BRINP2: variants seen among roughly 807,000 people sequenced by gnomAD.
BRINP2 encodes BMP/retinoic acid-inducible neural-specific protein 2.
BRINP2 carries 21 observed loss-of-function variants against 69.2 expected under a neutral mutation model. The observed-to-expected ratio is 0.30, with a 90% CI of 0.22 to 0.44. BRINP2 has a LOEUF of 0.44. Among genes scored for constraint, BRINP2 ranks in the 20% least tolerant of loss-of-function variants. The pLI is 1.00. For missense variants in BRINP2, 877 were observed against 986.0 expected (o/e 0.89, Z 1.48); for synonymous variants, 380 against 394.1 (o/e 0.96, Z 0.42).
At chr1:177,248,491 G>A (rs534516853) in intron 2 of BRINP2, among the ~76,000 whole-genome samples, 27 of 150,904 alleles carry the variant, frequency 1.8e-4, no homozygotes, top group African/African-American at 5.4e-4. Context: ...GTGTGTGTGC[G>A]TGCGTGTGTG....
chr1:177,261,629 G>A (rs1468561314), intron 4 of BRINP2, among the ~76,000 whole-genome samples: 1 of 152,176 alleles, frequency 6.6e-6, no homozygotes, highest in Non-Finnish European at 1.5e-5. Flanking sequence ...ACAAACACCA[G>A]GATTTCAAGA....
chr1:177,177,936 A>G (rs1648138083), intron 1 of BRINP2, among the ~76,000 whole-genome samples: 2 of 152,186 alleles, frequency 1.3e-5, no homozygotes. Context: ...TTCACATCCC[A>G]AGCTATTCCT....
intron 1 of BRINP2, among the ~76,000 whole-genome samples, chr1:177,208,921 C>A (rs767958927): frequency 2.0e-5 from 3 of 152,192 alleles, no homozygotes; most frequent in Non-Finnish European, 4.4e-5. Context: ...GGCAAATGTA[C>A]TTTTCTTCTT....
intron 1 of BRINP2, among the ~76,000 whole-genome samples, chr1:177,201,167 T>C (rs961174156): frequency 3.3e-5 from 5 of 151,750 alleles, no homozygotes; most frequent in Non-Finnish European, 7.4e-5. Flanking sequence ...ACCACCTGTT[T>C]CCCCCAAAAC....
In BRINP2 at chr1:177,282,218, G is replaced by T. The variant is rs542111455; in HGVS notation, c.*690G>T. 45 of 152,272 alleles carry T rather than the reference G, an allele frequency of 3.0e-4. No individual in the cohort carries two copies. Among genetic ancestry groups the T allele is most frequent in the African/African-American group, 1.1e-3 (44 of 41,466 alleles). The allele number at this position is 152,272 out of a possible 1,614,324, so 9.4% of individuals were successfully genotyped here. A position where few individuals can be genotyped will look rare whatever the true frequency, so the allele number is the denominator to read the frequency against. ...TGGATTGTTCCCAGTTCCCATTGTG[G>T]TCCCTTCAGAGCTCCTTTCCAACAG... On this transcript the variant is annotated 3_prime_UTR_variant, in exon 8 of 8. Coordinates refer to ENST00000361539, the MANE Select transcript of BRINP2 (RefSeq NM_021165.4).
chr1:177,229,762 C>T, intron 1 of BRINP2, 39 bp from the exon 2 acceptor site: 1 of 1,409,444 alleles, frequency 7.1e-7, no homozygotes, highest in Non-Finnish European at 9.5e-7. Flanking sequence ...CATGGGGTAA[C>T]AGGGTGCTCA....
chr1:177,259,318 T>C (rs1650867570), intron 4 of BRINP2, among the ~76,000 whole-genome samples: 1 of 152,110 alleles, frequency 6.6e-6, no homozygotes, highest in Non-Finnish European at 1.5e-5. Context: ...GTCAAAAAGC[T>C]ACAGAAAAAT....
chr1:177,215,879 T>C (rs1385281957), intron 1 of BRINP2, among the ~76,000 whole-genome samples: 1 of 152,138 alleles, frequency 6.6e-6, no homozygotes, highest in East Asian at 1.9e-4. Context: ...GATTATATAA[T>C]GTCCTTTTTT....
intron 1 of BRINP2, among the ~76,000 whole-genome samples, chr1:177,175,285 C>T (rs536189280): frequency 4.3e-5 from 6 of 139,146 alleles, no homozygotes; most frequent in African/African-American, 1.3e-4. Context: ...CATGGAAAAG[C>T]GGGGTGGGGG....
chr1:177,225,870 G>C (rs935734385), intron 1 of BRINP2, among the ~76,000 whole-genome samples: 1 of 152,192 alleles, frequency 6.6e-6, no homozygotes, highest in Non-Finnish European at 1.5e-5. Flanking sequence ...TCAGTGAAGC[G>C]GAAACCATAT....
At position 177,281,226 on chromosome 1, in the gene BRINP2, C is replaced by A. The variant is rs199882325; in HGVS notation, c.2050C>A (p.Gln684Lys). The A allele has an allele frequency of 9.0e-5, 146 of 1,614,176 alleles. No homozygotes were observed. The highest frequency in any genetic ancestry group is 1.2e-4 in the Non-Finnish European group (142 of 1,180,026). The change falls in exon 8 of 8, where the codon CAG becomes AAG. Residue 684 changes from glutamine to lysine, a missense_variant. Transcript: ENST00000361539. ...NLGYMKINTL[Q>K]VFGYSLPFDP... ...GGGTTACATGAAAATTAACACCTTGCAGGTCTTTGGCTACAGCCTGCCCTT... is the reference window on the plus strand; with the variant it reads ...GGGTTACATGAAAATTAACACCTTGAAGGTCTTTGGCTACAGCCTGCCCTT...
At chr1:177,175,946 C>G (rs1318445291) in intron 1 of BRINP2, among the ~76,000 whole-genome samples, 1 of 152,196 alleles carries the variant, frequency 6.6e-6, no homozygotes, top group Non-Finnish European at 1.5e-5. Flanking sequence ...GAATTAAAGT[C>G]TCTTCTATCT....
intron 6 of BRINP2, among the ~76,000 whole-genome samples, chr1:177,277,122 T>A (rs938102104): frequency 1.3e-5 from 2 of 152,070 alleles, no homozygotes; most frequent in Non-Finnish European, 1.5e-5. Flanking sequence ...AAAAACATGA[T>A]GTTGAATAAA....
At chr1:177,210,285 C>A (rs567284345) in intron 1 of BRINP2, among the ~76,000 whole-genome samples, 2 of 152,258 alleles carry the variant, frequency 1.3e-5, no homozygotes, top group South Asian at 2.1e-4. Flanking sequence ...AGTTCCAGAG[C>A]AGAGACAGCC....
At chr1:177,217,076 C>T (rs188037510) in intron 1 of BRINP2, among the ~76,000 whole-genome samples, 3 of 151,802 alleles carry the variant, frequency 2.0e-5, no homozygotes, top group Non-Finnish European at 4.4e-5. Flanking sequence ...TCCATTATTT[C>T]TTTAAATATG....
intron 1 of BRINP2, among the ~76,000 whole-genome samples, chr1:177,208,413 A>C (rs1386019963): frequency 2.0e-5 from 3 of 152,224 alleles, no homozygotes; most frequent in African/African-American, 7.2e-5. Context: ...AAATGAGAAT[A>C]AGTAGATAAG....
chr1:177,259,377 T>C (rs1469726819), intron 4 of BRINP2, among the ~76,000 whole-genome samples: 2 of 152,102 alleles, frequency 1.3e-5, no homozygotes, highest in East Asian at 3.9e-4. Flanking sequence ...AAAGAACCCG[T>C]CTCCATGATA....
intron 1 of BRINP2, among the ~76,000 whole-genome samples, chr1:177,192,854 ATAAAG>A (rs1403525079): frequency 4.6e-5 from 7 of 152,374 alleles, no homozygotes; most frequent in African/African-American, 1.4e-4. Flanking sequence ...AGTTGAAAAC[ATAAAG>A]TAGAGAAGCC....
chr1:177,172,984 G>A (rs1325447823), intron 1 of BRINP2, among the ~76,000 whole-genome samples: 2 of 152,102 alleles, frequency 1.3e-5, no homozygotes, highest in African/African-American at 4.8e-5. Flanking sequence ...GACCATGCTC[G>A]CTAAAATACA....
Sources: gnomAD v4.1 joint callset for allele counts (sites outside exome capture counted in the v4.1 genomes callset) on GRCh38, gnomAD v4.1.1 for gene constraint, MANE v1.5 for transcripts, NCBI Gene and HGNC (gene_info 2026-07-23, HGNC 2026-07-21) for gene names.